OSBPL6: variants seen among roughly 807,000 people sequenced by gnomAD.
OSBPL6 encodes the protein oxysterol binding protein like 6, also known as oxysterol-binding protein-related protein 6.
In OSBPL6, 49 loss-of-function variants were observed where a neutral mutation model predicts 125.8. The ratio of observed to expected loss-of-function variants is 0.39; its 90% confidence interval spans 0.31 to 0.49. The LOEUF is 0.49. OSBPL6 is among the 20% of genes least tolerant of loss of function. OSBPL6 has a pLI of 0.88. For synonymous variants in OSBPL6, 394 were observed against 391.8 expected (o/e 1.01, Z -0.07); for missense variants, 986 against 1,135.4 (o/e 0.87, Z 1.89).
intron 22 of OSBPL6, among the ~76,000 whole-genome samples, chr2:178,391,658 T>A (rs1559331169): frequency 6.6e-6 from 1 of 152,226 alleles, no homozygotes; most frequent in Non-Finnish European, 1.5e-5. Flanking sequence ...TCTTTTCACT[T>A]GAGCCTCAAG....
intron 12 of OSBPL6, among the ~76,000 whole-genome samples, chr2:178,359,383 T>C (rs1692113171): frequency 6.6e-6 from 1 of 152,096 alleles, no homozygotes. Context: ...TTAGGATAGT[T>C]ATTAAAAAGA....
In OSBPL6 at chr2:178,332,907, A is replaced by C; in HGVS notation, c.523A>C (p.Lys175Gln). 6.2e-7 allele frequency: 1 copy of C among 1,613,964 alleles called. No homozygotes were observed. Among genetic ancestry groups the C allele is most frequent in the South Asian group, 1.1e-5 (1 of 91,076 alleles). Residue 175 changes from lysine to glutamine, a missense_variant, in exon 8 of 25, where the codon AAA (lysine) becomes CAA (glutamine). Lys to Gln is a moderately conservative substitution (Grantham distance 53). Transcript: ENST00000190611. ...SQDWFDAWVS[K>Q]LRHHRLYRQN... ...GGACTGGTTTGATGCATGGGTCTCCAAACTGCGACATCATCGGTTGTATCG... is the reference window on the plus strand; with the variant it reads ...GGACTGGTTTGATGCATGGGTCTCCCAACTGCGACATCATCGGTTGTATCG...
At chr2:178,249,731 G>T (rs1302609009) in intron 1 of OSBPL6, among the ~76,000 whole-genome samples, 1 of 151,278 alleles carries the variant, frequency 6.6e-6, no homozygotes, top group African/African-American at 2.4e-5. Flanking sequence ...TACAACCTTG[G>T]TTGTTATCAA....
At chr2:178,303,660 A>G (rs1686493706) in intron 2 of OSBPL6, among the ~76,000 whole-genome samples, 1 of 152,158 alleles carries the variant, frequency 6.6e-6, no homozygotes. Flanking sequence ...TCTCCAACTG[A>G]ATGTCTTCAG....
intron 1 of OSBPL6, among the ~76,000 whole-genome samples, chr2:178,261,066 A>G (rs1378402246): frequency 6.6e-6 from 1 of 152,074 alleles, no homozygotes; most frequent in African/African-American, 2.4e-5. Context: ...TGGGAGGTGG[A>G]GGTTGCAGTG....
At chr2:178,233,023 G>A (rs183319218) in intron 1 of OSBPL6, among the ~76,000 whole-genome samples, 2 of 152,284 alleles carry the variant, frequency 1.3e-5, no homozygotes, top group Admixed American at 6.5e-5. Context: ...ATTCCTGATG[G>A]CCTGAGTAGA....
At chr2:178,226,998 A>C (rs993855187) in intron 1 of OSBPL6, among the ~76,000 whole-genome samples, 3 of 152,182 alleles carry the variant, frequency 2.0e-5, no homozygotes, top group Non-Finnish European at 4.4e-5. Context: ...TGGAGATATA[A>C]ATGAAACAAA....
intron 21 of OSBPL6, 76 bp from the exon 22 acceptor site, chr2:178,390,997 T>G (rs1182507502): frequency 6.4e-7 from 1 of 1,571,684 alleles, no homozygotes; most frequent in South Asian, 1.2e-5. Context: ...GGCTAAGAAA[T>G]TTTTCTATAT....
At chr2:178,391,028 T>TTA (rs760211951) in intron 21 of OSBPL6, 45 bp from the exon 22 acceptor site, 2 of 1,598,852 alleles carry the variant, frequency 1.3e-6, no homozygotes, top group Admixed American at 3.5e-5. Flanking sequence ...GGGAATGATG[T>TTA]TATTAAAGCC....
intron 1 of OSBPL6, among the ~76,000 whole-genome samples, chr2:178,218,084 A>T (rs1170693368): frequency 2.0e-5 from 3 of 152,204 alleles, no homozygotes; most frequent in Non-Finnish European, 4.4e-5. Flanking sequence ...GTTTTAAAAT[A>T]AATTTTTTAA....
intron 1 of OSBPL6, among the ~76,000 whole-genome samples, chr2:178,202,041 T>C (rs149546833): frequency 1.3e-5 from 2 of 152,338 alleles, no homozygotes; most frequent in East Asian, 1.9e-4. Flanking sequence ...GCTTATAGTA[T>C]TGGAACCTTA....
chr2:178,215,098 T>TA (rs77043400), intron 1 of OSBPL6, among the ~76,000 whole-genome samples: 3,275 of 138,854 alleles, frequency 0.024, 62 homozygotes, highest in Non-Finnish European at 0.032. Context: ...AATTATCCTT[T>TA]AAAAAAAAAA....
chr2:178,356,232 G>T (rs1252537982), intron 12 of OSBPL6, among the ~76,000 whole-genome samples: 1 of 152,138 alleles, frequency 6.6e-6, no homozygotes, highest in Non-Finnish European at 1.5e-5. Context: ...TGGAAGTTCT[G>T]GCCAGGGCAA....
intron 1 of OSBPL6, among the ~76,000 whole-genome samples, chr2:178,213,528 G>A (rs1453117976): frequency 1.3e-5 from 2 of 151,832 alleles, no homozygotes; most frequent in East Asian, 2.0e-4. Context: ...TGCCTCCATC[G>A]TCTCCTTCCT....
At chr2:178,222,245 A>G (rs868619834) in intron 1 of OSBPL6, among the ~76,000 whole-genome samples, 4 of 152,348 alleles carry the variant, frequency 2.6e-5, no homozygotes, top group Middle Eastern at 6.8e-3. Flanking sequence ...TCATCTACCT[A>G]AAATCCATAG....
rs117352678 is a variant in OSBPL6, at chr2:178,384,780, C to T, written c.2013+604C>T. Reference sequence around the variant, plus strand: ...AAGATAAGCTATCAATGTACATTGCCAGGTTGAAATTCAACAGAACTGTTT... The same window carrying T: ...AAGATAAGCTATCAATGTACATTGCTAGGTTGAAATTCAACAGAACTGTTT... On this transcript the variant is annotated intron_variant, in intron 18 of 24. Transcript: ENST00000190611. 1.2e-3 allele frequency among the ~76,000 whole-genome samples: 185 copies of T among 151,980 alleles called. 2 individuals carry two copies. The East Asian group carries it at 0.031, about 25-fold the overall frequency.
chr2:178,252,305 G>A (rs1027035385), intron 1 of OSBPL6, among the ~76,000 whole-genome samples: 4 of 86,668 alleles, frequency 4.6e-5, no homozygotes, highest in Non-Finnish European at 9.3e-5. Context: ...AATATTTGAG[G>A]GTTGATTGGC....
At chr2:178,227,846 G>A (rs334038) in intron 1 of OSBPL6, among the ~76,000 whole-genome samples, 1 of 152,266 alleles carries the variant, frequency 6.6e-6, no homozygotes, top group East Asian at 1.9e-4. Context: ...CCTCAGTAGG[G>A]GGAGGCAGGA....
intron 22 of OSBPL6, 79 bp from the exon 23 acceptor site, chr2:178,392,333 C>T: frequency 6.6e-7 from 1 of 1,505,276 alleles, no homozygotes; most frequent in Non-Finnish European, 9.1e-7. Context: ...AGTGTAGGTA[C>T]TAAGTACTAG....
Sources: gnomAD v4.1 joint callset for allele counts (sites outside exome capture counted in the v4.1 genomes callset) on GRCh38, gnomAD v4.1.1 for gene constraint, MANE v1.5 for transcripts, NCBI Gene and HGNC (gene_info 2026-07-23, HGNC 2026-07-21) for gene names.